TMCC1: variants seen among roughly 807,000 people sequenced by gnomAD.
TMCC1 encodes the protein transmembrane and coiled-coil domain family 1, also known as transmembrane and coiled-coil domains protein 1.
Under a neutral mutation model 52.4 loss-of-function variants are expected in TMCC1, and 15 were observed. The observed-to-expected ratio is 0.29, with a 90% CI of 0.19 to 0.44. TMCC1 has a LOEUF of 0.44. Among genes scored for constraint, TMCC1 ranks in the 20% least tolerant of loss-of-function variants. The probability of loss-of-function intolerance (pLI) is 1.00; values close to 1 mark genes in which losing one functional copy is unlikely to be tolerated. For missense variants in TMCC1, 503 were observed against 806.0 expected (o/e 0.62, Z 4.55); for synonymous variants, 279 against 301.9 (o/e 0.92, Z 0.79).
chr3:129,789,549 C>T (rs2056303989), intron 4 of TMCC1, among the ~76,000 whole-genome samples: 1 of 152,160 alleles, frequency 6.6e-6, no homozygotes, highest in East Asian at 1.9e-4. Context: ...GGCGCGATCT[C>T]GGCTCACTGC....
Position 129,845,776 on chromosome 3 carries a change from TAAAATAC to T in TMCC1, c.-183-12957_-183-12951del, listed in dbSNP as rs1194953530. ...TGATGGCAAGTCATGAAATATCAGG[TAAAATAC>T]CCTGAAATTCCATCTAATCTCACCC... is the stretch of plus-strand genomic sequence containing the variant. On this transcript the variant is annotated intron_variant, in intron 2 of 6. Coordinates refer to ENST00000393238, the MANE Select transcript of TMCC1 (RefSeq NM_001017395.5). Among the ~76,000 whole-genome samples, 11 of 152,072 alleles carry T rather than the reference TAAAATAC, an allele frequency of 7.2e-5. No individual in the cohort carries two copies. The East Asian group carries it at 2.1e-3, about 29-fold the overall frequency.
intron 2 of TMCC1, among the ~76,000 whole-genome samples, chr3:129,851,921 A>T (rs1033903928): frequency 6.6e-6 from 1 of 152,188 alleles, no homozygotes; most frequent in Non-Finnish European, 1.5e-5. Flanking sequence ...AGGCTGAGGC[A>T]GGAGGATTGC....
At chr3:129,763,599 T>A (rs2107684267) in intron 4 of TMCC1, among the ~76,000 whole-genome samples, 1 of 149,742 alleles carries the variant, frequency 6.7e-6, no homozygotes, top group East Asian at 1.9e-4. Context: ...ACCCTGATTA[T>A]TTAATATTTA....
chr3:129,889,258 G>A (rs1014686267), intron 1 of TMCC1, among the ~76,000 whole-genome samples: 3 of 152,076 alleles, frequency 2.0e-5, no homozygotes, highest in Non-Finnish European at 2.9e-5. Flanking sequence ...GGTGACAGAG[G>A]GAGATCCTGT....
At chr3:129,737,315 C>A (rs1043348182) in intron 4 of TMCC1, among the ~76,000 whole-genome samples, 1 of 151,248 alleles carries the variant, frequency 6.6e-6, no homozygotes, top group Non-Finnish European at 1.5e-5. Flanking sequence ...CCCATCTCTA[C>A]GAAAAAAATA....
rs1185673234 is a variant in TMCC1 at position 129,651,473 on chromosome 3, T to C, written c.*8A>G. The C allele has an allele frequency of 1.2e-6, 2 of 1,611,068 alleles. No individual in the cohort carries two copies. Among genetic ancestry groups the C allele is most frequent in the Admixed American group, 3.3e-5 (2 of 59,876 alleles). On this transcript the variant is annotated 3_prime_UTR_variant, in exon 7 of 7. Coordinates refer to ENST00000393238, the MANE Select transcript of TMCC1 (RefSeq NM_001017395.5). This position sits in a 1 kb window ranked among gnomAD's most constrained non-coding sequence, Gnocchi z 5.1. The stretch of plus-strand genomic sequence containing the variant: ...AGAGGGTAGGGAACAATGCCTTCTG[T>C]GCCAGCATCATCTAGGGGATGAAAA...
chr3:129,804,895 T>C (rs1450739024), intron 4 of TMCC1, among the ~76,000 whole-genome samples: 1 of 152,170 alleles, frequency 6.6e-6, no homozygotes, highest in Non-Finnish European at 1.5e-5. Context: ...TTTCCAAGAA[T>C]GCTACGGAAT....
At chr3:129,666,872 A>C (rs1183418463) in intron 5 of TMCC1, among the ~76,000 whole-genome samples, 1 of 151,936 alleles carries the variant, frequency 6.6e-6, no homozygotes, top group Non-Finnish European at 1.5e-5. Context: ...CAAGACCAGC[A>C]AGGCAACATA....
chr3:129,801,159 T>G (rs2717257), intron 4 of TMCC1, among the ~76,000 whole-genome samples: 149,882 of 152,214 alleles, frequency 0.98, 73,839 homozygotes, highest in East Asian at 1. Flanking sequence ...TCCTGACCTT[T>G]TGATCTGCCT....
intron 4 of TMCC1, among the ~76,000 whole-genome samples, chr3:129,689,550 G>C (rs1322137113): frequency 1.3e-5 from 2 of 152,126 alleles, no homozygotes; most frequent in Non-Finnish European, 2.9e-5. Context: ...GCCTGGGGGT[G>C]TGATATGAGC....
At chr3:129,786,389 C>T (rs1336720406) in intron 4 of TMCC1, among the ~76,000 whole-genome samples, 1 of 152,208 alleles carries the variant, frequency 6.6e-6, no homozygotes, top group Non-Finnish European at 1.5e-5. Flanking sequence ...AGGAATTCCT[C>T]CAGGAGTATG....
chr3:129,716,569 A>C (rs2049126502), intron 4 of TMCC1, among the ~76,000 whole-genome samples: 1 of 147,298 alleles, frequency 6.8e-6, no homozygotes, highest in African/African-American at 2.5e-5. Flanking sequence ...GGCTGGTCTC[A>C]AACTCCCTAC....
intron 2 of TMCC1, among the ~76,000 whole-genome samples, chr3:129,873,322 C>T (rs963968590): frequency 1.3e-5 from 2 of 150,630 alleles, no homozygotes; most frequent in African/African-American, 2.4e-5. Context: ...TACGAAAAAC[C>T]CAAAAGAAAA....
At chr3:129,724,607 T>C (rs1348291845) in intron 4 of TMCC1, among the ~76,000 whole-genome samples, 1 of 152,228 alleles carries the variant, frequency 6.6e-6, no homozygotes, top group Admixed American at 6.5e-5. Flanking sequence ...AAGGCAAACC[T>C]AATATACATC....
intron 4 of TMCC1, among the ~76,000 whole-genome samples, chr3:129,709,636 G>GT (rs2048513236): frequency 6.6e-6 from 1 of 151,910 alleles, no homozygotes; most frequent in South Asian, 2.1e-4. Flanking sequence ...TACTAGGTAG[G>GT]TAAAATAAAA....
At chr3:129,702,335 C>T (rs575338002) in intron 4 of TMCC1, among the ~76,000 whole-genome samples, 151 of 151,568 alleles carry the variant, frequency 1.0e-3, no homozygotes, top group African/African-American at 3.4e-3. Flanking sequence ...AAAAGAATCT[C>T]TGGTGGGGAC....
At chr3:129,891,250 G>A (rs1223718682) in intron 1 of TMCC1, among the ~76,000 whole-genome samples, 1 of 152,094 alleles carries the variant, frequency 6.6e-6, no homozygotes, top group Non-Finnish European at 1.5e-5. Flanking sequence ...ATTCATATTA[G>A]GGGTCAGCAA....
At chr3:129,842,325 G>A (rs1047952499) in intron 2 of TMCC1, among the ~76,000 whole-genome samples, 4 of 152,088 alleles carry the variant, frequency 2.6e-5, no homozygotes, top group Admixed American at 2.6e-4. Context: ...AATTAGCTGG[G>A]CTTGGTGACA....
At chr3:129,809,853 A>C (rs1321576185) in intron 4 of TMCC1, among the ~76,000 whole-genome samples, 2 of 152,224 alleles carry the variant, frequency 1.3e-5, no homozygotes, top group Admixed American at 1.3e-4. Context: ...AAAACAGTAC[A>C]TTTAATCTTG....
Sources: gnomAD v4.1 joint callset for allele counts (sites outside exome capture counted in the v4.1 genomes callset) on GRCh38, gnomAD v4.1.1 for gene constraint, Gnocchi (gnomAD v3.1) non-coding constraint, MANE v1.5 for transcripts, NCBI Gene and HGNC (gene_info 2026-07-23, HGNC 2026-07-21) for gene names.